Variants in PTPN5 observed in about 807,000 individuals in gnomAD.
PTPN5 encodes the protein protein tyrosine phosphatase non-receptor type 5, also known as tyrosine-protein phosphatase non-receptor type 5.
A neutral mutation model predicts 73.9 loss-of-function variants in PTPN5; 29 were observed. The observed-to-expected ratio is 0.39, with a 90% confidence interval of 0.29 to 0.54. PTPN5 has a LOEUF of 0.54. Among genes scored for constraint, PTPN5 ranks in the 20% least tolerant of loss-of-function variants. The probability of loss-of-function intolerance (pLI) is 0.65; values close to 1 mark genes in which losing one functional copy is unlikely to be tolerated. For synonymous variants in PTPN5, 267 were observed against 304.7 expected, an observed-to-expected ratio of 0.88 and a Z score of 1.29; for missense variants, 652 against 751.4, an observed-to-expected ratio of 0.87 and a Z score of 1.55.
At position 18,727,995 on chromosome 11, in the gene PTPN5, C is replaced by A. The variant is rs1401193511; in HGVS notation, c.*939G>T. ...ACCACGAGCGAATTATAAAAAGACA[C>A]CAAATGTCTCTGTCTGCCGTGGGAT... On this transcript the variant is annotated 3_prime_UTR_variant, in exon 15 of 15. Coordinates refer to ENST00000358540, the MANE Select transcript of PTPN5 (RefSeq NM_006906.2). The A allele has an allele frequency of 6.6e-6, 1 of 152,606 alleles. No homozygotes were observed. Among genetic ancestry groups the A allele is most frequent in the Non-Finnish European group, 1.5e-5 (1 of 68,042 alleles). The allele number at this position is 152,606 out of a possible 1,614,324, so 9.5% of individuals were successfully genotyped here.
intron 3 of PTPN5, among the ~76,000 whole-genome samples, chr11:18,756,058 C>G (rs1850120628): frequency 6.7e-6 from 1 of 149,558 alleles, no homozygotes; most frequent in Non-Finnish European, 1.5e-5. Context: ...TCACGTCAGG[C>G]ACAGCCCAAA....
chr11:18,771,794 A>C, intron 2 of PTPN5, 145 bp downstream of exon 2: 1 of 695,050 alleles, frequency 1.4e-6, no homozygotes, highest in Non-Finnish European at 2.5e-6. Flanking sequence ...AGGCAGGGGC[A>C]GAGGGCATGC....
rs893891233 is a variant in PTPN5 at position 18,733,296 on chromosome 11, A to G, written c.1157T>C (p.Met386Thr). ...IVSTVADFWR[M>T]VWQEHTPIIV... Reference sequence around the variant, plus strand: ...GATGGGCGTGTGCTCCTGCCACACCATGCGCCAGAAGTCGGCGACCGTGCT... The same window carrying G: ...GATGGGCGTGTGCTCCTGCCACACCGTGCGCCAGAAGTCGGCGACCGTGCT... The change falls in exon 11 of 15, where the codon ATG (methionine) becomes ACG (threonine). Residue 386 changes from methionine to threonine, a missense_variant. By Grantham distance (81) the Met-to-Thr change is moderately conservative. This residue lies in a region of PTPN5 where 529 missense variants were observed against 573.9 expected (regional missense o/e 0.92). Coordinates refer to ENST00000358540, the MANE Select transcript of PTPN5 (RefSeq NM_006906.2). The surrounding 1 kb of genome is among the most constrained non-coding windows in gnomAD (Gnocchi z 4.3). 1.2e-6 allele frequency: 2 copies of G among 1,614,166 alleles called. No homozygotes were observed. Among genetic ancestry groups the G allele is most frequent in the Non-Finnish European group, 1.7e-6 (2 of 1,180,016 alleles).
intron 1 of PTPN5, among the ~76,000 whole-genome samples, chr11:18,777,904 C>T (rs1851234752): frequency 6.6e-6 from 1 of 151,850 alleles, no homozygotes; most frequent in Non-Finnish European, 1.5e-5. Context: ...ATGATCGCAC[C>T]ACTGCATTTC....
At chr11:18,768,456 T>C (rs75719300) in intron 2 of PTPN5, among the ~76,000 whole-genome samples, 13,417 of 152,220 alleles carry the variant, frequency 0.088, 1,745 homozygotes, top group African/African-American at 0.29. Flanking sequence ...CCTAGCTGGA[T>C]GGCAGCCCAT....
At chr11:18,784,382 G>A (rs527873486) in intron 1 of PTPN5, among the ~76,000 whole-genome samples, 29 of 152,148 alleles carry the variant, frequency 1.9e-4, no homozygotes, top group African/African-American at 6.5e-4. Flanking sequence ...TAGGCTAAGT[G>A]AAAGAAGCCA....
At chr11:18,739,607 A>G (rs76383415) in intron 8 of PTPN5, among the ~76,000 whole-genome samples, 2,575 of 152,316 alleles carry the variant, frequency 0.017, 24 homozygotes, top group South Asian at 0.03. Flanking sequence ...GTCTTCTCAC[A>G]GGGGAGAGCT....
Position 18,733,434 on chromosome 11 carries a change from A to C in PTPN5, c.1081-62T>G. On this transcript the variant is annotated intron_variant, in intron 10 of 14. Transcript: ENST00000358540. This position sits in a 1 kb window ranked among gnomAD's most constrained non-coding sequence, Gnocchi z 4.3. ...GCAGTGCTCCCAGGACCCCATCCCCACACTCAGGCTCTTCACAGGAGCTGG... is the reference window on the plus strand; with the variant it reads ...GCAGTGCTCCCAGGACCCCATCCCCCCACTCAGGCTCTTCACAGGAGCTGG... 6.2e-7 allele frequency: 1 copy of C among 1,609,308 alleles called. No individual in the cohort carries two copies. Among genetic ancestry groups the C allele is most frequent in the Admixed American group, 1.7e-5 (1 of 59,918 alleles).
chr11:18,738,060 G>C, intron 8 of PTPN5, 96 bp from the exon 9 acceptor site: 1 of 941,656 alleles, frequency 1.1e-6, no homozygotes, highest in Non-Finnish European at 1.7e-6. Flanking sequence ...CCCAGGGGCT[G>C]GCTTGAGTGC....
chr11:18,731,478 A>G (rs1209597356), intron 12 of PTPN5, among the ~76,000 whole-genome samples: 2 of 152,128 alleles, frequency 1.3e-5, no homozygotes, highest in African/African-American at 4.8e-5. Flanking sequence ...CTCAAACTCC[A>G]AGATGCCCTG....
At chr11:18,738,585 TCA>T (rs1849220666) in intron 8 of PTPN5, among the ~76,000 whole-genome samples, 1 of 152,208 alleles carries the variant, frequency 6.6e-6, no homozygotes, top group Admixed American at 6.5e-5. Context: ...TCTGCTGTTC[TCA>T]GTCCTGCCTC....
intron 1 of PTPN5, among the ~76,000 whole-genome samples, chr11:18,783,556 T>G (rs1159706148): frequency 6.6e-6 from 1 of 152,194 alleles, no homozygotes; most frequent in Admixed American, 6.5e-5. Context: ...GTACCTGAAA[T>G]AGAGTTACTC....
chr11:18,786,581 A>G (rs890838904), intron 1 of PTPN5, among the ~76,000 whole-genome samples: 1 of 152,192 alleles, frequency 6.6e-6, no homozygotes, highest in Non-Finnish European at 1.5e-5. Flanking sequence ...TTAAAAGAGA[A>G]AAGAGTTTCT....
At chr11:18,755,512 TGAG>T (rs1254887051) in intron 3 of PTPN5, among the ~76,000 whole-genome samples, 1 of 152,142 alleles carries the variant, frequency 6.6e-6, no homozygotes, top group Admixed American at 6.5e-5. Flanking sequence ...GTATTCCCAA[TGAG>T]GAGAGACAGG....
At chr11:18,790,454 G>C (rs58926313) in intron 1 of PTPN5, among the ~76,000 whole-genome samples, 1 of 152,154 alleles carries the variant, frequency 6.6e-6, no homozygotes, top group African/African-American at 2.4e-5. Flanking sequence ...GTGTGTCCTG[G>C]GTGGATCAGG....
intron 3 of PTPN5, among the ~76,000 whole-genome samples, chr11:18,761,778 G>A (rs1850401572): frequency 1.3e-5 from 2 of 152,136 alleles, no homozygotes; most frequent in Admixed American, 1.3e-4. Context: ...GAGGGAATGA[G>A]AGAGCAAGCA....
chr11:18,772,049 G>C lies in PTPN5; in HGVS notation c.-91C>G. The stretch of plus-strand genomic sequence containing the variant: ...AAGCTGGTGATATAAATGAAGGAGA[G>C]AGGGCAGCTTCAGATCATCCAGCTG... On this transcript the variant is annotated 5_prime_UTR_variant, in exon 2 of 15. Coordinates refer to ENST00000358540, the MANE Select transcript of PTPN5 (RefSeq NM_006906.2). 1.0e-6 allele frequency: 1 copy of C among 970,732 alleles called. No homozygotes were observed. Among genetic ancestry groups the C allele is most frequent in the South Asian group, 1.6e-5 (1 of 61,008 alleles). The allele number at this position is 970,732 out of a possible 1,614,324, so 60.1% of individuals were successfully genotyped here. A position where few individuals can be genotyped will look rare whatever the true frequency, so the allele number is the denominator to read the frequency against.
intron 3 of PTPN5, among the ~76,000 whole-genome samples, chr11:18,756,938 C>CAAAAAAAA (rs1564910700): frequency 7.2e-6 from 1 of 138,132 alleles, no homozygotes. Context: ...AAAAAAAAAC[C>CAAAAAAAA]AAAAAACAAA....
At position 18,729,683 on chromosome 11, in the gene PTPN5, A is replaced by C; in HGVS notation, c.1465T>G (p.Cys489Gly). 6.3e-7 allele frequency: 1 copy of C among 1,577,388 alleles called. No homozygotes were observed. Among genetic ancestry groups the C allele is most frequent in the Non-Finnish European group, 8.6e-7 (1 of 1,160,362 alleles). ...EEAAQQEGPHCAPIIVHCSAG... is the reference protein window; with the variant it reads ...EEAAQQEGPHGAPIIVHCSAG... ...CTGCAGTGGACGATGATGGGGGCAC[A>C]GTGGGGCCCCTCCTGCTGGGCTGCC... Residue 489 changes from cysteine (C) to glycine (G), a missense_variant, in exon 13 of 15, where the codon TGT (cysteine) becomes GGT (glycine). Transcript: ENST00000358540. The surrounding 1 kb of genome is among the most constrained non-coding windows in gnomAD (Gnocchi z 5.2).
Sources: allele counts gnomAD v4.1 joint callset (sites outside exome capture counted in the v4.1 genomes callset), GRCh38; gene constraint gnomAD v4.1.1; regional missense constraint gnomAD v4.1.1; non-coding constraint Gnocchi (gnomAD v3.1); transcripts MANE v1.5; gene names NCBI Gene and HGNC (gene_info 2026-07-23, HGNC 2026-07-21).